The following MAN2A1 variants were observed in gnomAD, a reference collection of about 807,000 sequenced individuals.
The protein encoded by MAN2A1 is alpha-mannosidase 2.
MAN2A1 carries 76 observed loss-of-function variants against 142.6 expected under a neutral mutation model. The ratio of observed to expected loss-of-function variants is 0.53; its 90% CI spans 0.44 to 0.65. The LOEUF is 0.65. Ranked by LOEUF, MAN2A1 falls within the 30% of genes least tolerant of loss-of-function variation. The probability of loss-of-function intolerance (pLI) is 0.00; values close to 1 mark genes in which losing one functional copy is unlikely to be tolerated. For synonymous variants in MAN2A1, 559 were observed against 473.2 expected (o/e 1.18, Z -2.35); for missense variants, 1,311 against 1,365.1 (o/e 0.96, Z 0.62).
intron 9 of MAN2A1, among the ~76,000 whole-genome samples, chr5:109,784,287 C>T (rs1265222220): frequency 6.6e-6 from 1 of 152,148 alleles, no homozygotes. Context: ...CTCTGAGTGT[C>T]CCGCTCACCG....
At chr5:109,826,127 A>AACTCTTG (rs1453201895) in intron 16 of MAN2A1, among the ~76,000 whole-genome samples, 33 of 151,724 alleles carry the variant, frequency 2.2e-4, no homozygotes, top group African/African-American at 6.5e-4. Flanking sequence ...GCTGGTCTCG[A>AACTCTTG]ACTCTTGACC....
At chr5:109,742,854 C>T (rs1019475463) in intron 4 of MAN2A1, among the ~76,000 whole-genome samples, 7 of 152,174 alleles carry the variant, frequency 4.6e-5, no homozygotes, top group Admixed American at 2.0e-4. Context: ...CAGTGGTTTA[C>T]GTTTATTTTA....
chr5:109,759,753 C>T (rs34097054), intron 5 of MAN2A1, among the ~76,000 whole-genome samples: 26,688 of 151,948 alleles, frequency 0.18, 3,298 homozygotes, highest in East Asian at 0.64. Context: ...CACATTTTTG[C>T]CAGTGTTTGC....
chr5:109,741,157 A>G (rs11750336), intron 4 of MAN2A1, among the ~76,000 whole-genome samples: 6,343 of 152,260 alleles, frequency 0.042, 165 homozygotes, highest in Middle Eastern at 0.075. Context: ...TCTGGAATAC[A>G]GGCTTGATCG....
At chr5:109,697,118 T>C (rs536904220) in intron 1 of MAN2A1, among the ~76,000 whole-genome samples, 1 of 152,366 alleles carries the variant, frequency 6.6e-6, no homozygotes, top group African/African-American at 2.4e-5. Flanking sequence ...TCCAGATTTA[T>C]TCCTCTTAGC....
intron 12 of MAN2A1, among the ~76,000 whole-genome samples, chr5:109,810,873 G>T (rs922869777): frequency 1.5e-4 from 23 of 152,100 alleles, no homozygotes; most frequent in African/African-American, 5.6e-4. Context: ...ATTTCCCCTG[G>T]AAGTGGAAAC....
At chr5:109,739,915 C>T (rs770912439) in intron 4 of MAN2A1, among the ~76,000 whole-genome samples, 7 of 152,042 alleles carry the variant, frequency 4.6e-5, no homozygotes, top group Non-Finnish European at 5.9e-5. Context: ...CTTTAGAGAG[C>T]GAAGTGAGGG....
chr5:109,866,558 G>C (rs1755888885), intron 21 of MAN2A1, among the ~76,000 whole-genome samples: 1 of 152,156 alleles, frequency 6.6e-6, no homozygotes, highest in African/African-American at 2.4e-5. Flanking sequence ...AAGGAATGCA[G>C]AATATGTTGC....
chr5:109,815,059 C>T (rs902362471), intron 12 of MAN2A1, among the ~76,000 whole-genome samples: 11 of 152,172 alleles, frequency 7.2e-5, no homozygotes, highest in Admixed American at 5.9e-4. Flanking sequence ...TAGTAAATCA[C>T]TCATTTCTGG....
At position 109,867,072 on chromosome 5, in the gene MAN2A1, A is replaced by G; in HGVS notation, c.*74A>G. The G allele has an allele frequency of 8.1e-7, 1 of 1,238,300 alleles. No individual in the cohort carries two copies. The highest frequency in any genetic ancestry group is 1.5e-5 in the African/African-American group (1 of 65,450). 76.7% of individuals were successfully genotyped at this position (1,238,300 alleles called of 1,614,324 possible). A position where few individuals can be genotyped will look rare whatever the true frequency, so the allele number is the denominator to read the frequency against. The stretch of plus-strand genomic sequence containing the variant: ...TTGGTTTGACGTGCAATAAAGAAGC[A>G]CATTATTTTAGCTTCTGGCTACTGT... On this transcript the variant is annotated 3_prime_UTR_variant, in exon 22 of 22. Transcript: ENST00000261483.
chr5:109,819,874 C>G lies in MAN2A1; in HGVS notation c.2315C>G (p.Thr772Ser). The change falls in exon 14 of 22, where the codon ACT (threonine) becomes AGT (serine). Residue 772 changes from threonine (T) to serine (S), a missense_variant. By Grantham distance (58) the Thr-to-Ser change is moderately conservative (BLOSUM62 1). Coordinates refer to ENST00000261483, the MANE Select transcript of MAN2A1 (RefSeq NM_002372.4). ...TTTGTTTTACTTCGGTTTGATCAAA[C>G]TGGACTTATGAAGGTATGTTCTGAA... Reference protein sequence around the residue: ...NSFVLLRFDQTGLMKQMMTKE... With the variant: ...NSFVLLRFDQSGLMKQMMTKE... 1 of 1,587,730 alleles carries G rather than the reference C, an allele frequency of 6.3e-7. No homozygotes were observed. Among genetic ancestry groups the G allele is most frequent in the Non-Finnish European group, 8.6e-7 (1 of 1,167,156 alleles).
intron 1 of MAN2A1, among the ~76,000 whole-genome samples, chr5:109,711,413 A>C (rs1751297486): frequency 6.7e-6 from 1 of 148,536 alleles, no homozygotes; most frequent in African/African-American, 2.5e-5. Context: ...CTTTGATAGC[A>C]TATGTATTTA....
chr5:109,840,602 CT>C, intron 16 of MAN2A1: 1 of 488,618 alleles, frequency 2.0e-6, no homozygotes, highest in Non-Finnish European at 4.0e-6. Context: ...CATCTTCTGC[CT>C]TTTCTGAGAT....
chr5:109,735,588 C>G (rs1294607311), intron 4 of MAN2A1, among the ~76,000 whole-genome samples: 1 of 152,088 alleles, frequency 6.6e-6, no homozygotes, highest in Non-Finnish European at 1.5e-5. Context: ...AACCCGGTAC[C>G]TCAGATGGAA....
chr5:109,720,442 T>A (rs1751569260), intron 3 of MAN2A1, among the ~76,000 whole-genome samples: 1 of 152,174 alleles, frequency 6.6e-6, no homozygotes, highest in African/African-American at 2.4e-5. Flanking sequence ...TTATGTATCC[T>A]CTAAAAAAGT....
intron 4 of MAN2A1, among the ~76,000 whole-genome samples, chr5:109,742,885 T>A (rs1366458295): frequency 6.6e-6 from 1 of 152,230 alleles, no homozygotes; most frequent in Non-Finnish European, 1.5e-5. Context: ...GTTCTATCCC[T>A]ACCTTTTCAA....
At chr5:109,815,385 G>A (rs1754426727) in intron 12 of MAN2A1, among the ~76,000 whole-genome samples, 1 of 152,088 alleles carries the variant, frequency 6.6e-6, no homozygotes, top group African/African-American at 2.4e-5. Context: ...AGTACTAGGA[G>A]GATTCGTTGC....
rs577588038 is a variant in MAN2A1 at position 109,813,597 on chromosome 5, C to T, written c.1944-3676C>T. On this transcript the variant is annotated intron_variant, in intron 12 of 21. Coordinates refer to ENST00000261483, the MANE Select transcript of MAN2A1 (RefSeq NM_002372.4). ...GCACTCTGAATGAAGGTCCCTCTGA[C>T]CAAGGGGCATGTTCCTTCCACTTTG... Among the ~76,000 whole-genome samples the T allele has an allele frequency of 1.4e-4, 22 of 152,334 alleles. No homozygotes were observed. The South Asian group carries it at 3.9e-3, about 27-fold the overall frequency.
chr5:109,842,800 T>A (rs988702529), intron 17 of MAN2A1, among the ~76,000 whole-genome samples: 1 of 146,004 alleles, frequency 6.8e-6, no homozygotes, highest in Non-Finnish European at 1.5e-5. Flanking sequence ...GGATTATACT[T>A]ATTGGGTTTT....
Sources: gnomAD v4.1 joint callset for allele counts (sites outside exome capture counted in the v4.1 genomes callset) on GRCh38, gnomAD v4.1.1 for gene constraint, MANE v1.5 for transcripts, NCBI Gene and HGNC (gene_info 2026-07-23, HGNC 2026-07-21) for gene names.